The following L3MBTL2 variants were observed in gnomAD, a reference collection of about 807,000 sequenced individuals.
L3MBTL2 encodes L3MBTL histone methyl-lysine binding protein 2, also known as lethal(3)malignant brain tumor-like protein 2.
Under a neutral mutation model 86.4 loss-of-function variants are expected in L3MBTL2, and 49 were observed. The observed-to-expected ratio is 0.57, with a 90% CI of 0.45 to 0.72. The LOEUF is 0.72. Ranked by LOEUF, L3MBTL2 falls within the 30% of genes least tolerant of loss-of-function variation. The pLI, the probability that L3MBTL2 is intolerant of heterozygous loss-of-function variation, is 0.00. For synonymous variants in L3MBTL2, 336 were observed against 350.6 expected (o/e 0.96, Z 0.47); for missense variants, 755 against 923.7 (o/e 0.82, Z 2.37).
At chr22:41,226,955 T>A in intron 13 of L3MBTL2, 134 bp from the exon 14 acceptor site, 1 of 809,080 alleles carries the variant, frequency 1.2e-6, no homozygotes, top group Non-Finnish European at 2.0e-6. Flanking sequence ...GGTTATTGTC[T>A]AGAGGAAGCT....
Position 41,224,790 on chromosome 22 carries a change from C to T in L3MBTL2, c.1240C>T (p.Leu414Phe). 1 of 1,613,620 alleles carries T rather than the reference C, an allele frequency of 6.2e-7. No homozygotes were observed. The highest frequency in any genetic ancestry group is 8.5e-7 in the Non-Finnish European group (1 of 1,179,538). The change falls in exon 10 of 17, where the codon CTC (leucine) becomes TTC (phenylalanine). Residue 414 changes from leucine to phenylalanine, a missense_variant. Around this residue, in one of 3 missense-constraint regions of L3MBTL2, gnomAD observed 634 missense variants for 748.9 expected, o/e 0.85. Coordinates refer to ENST00000216237, the MANE Select transcript of L3MBTL2 (RefSeq NM_031488.5). The surrounding 1 kb of genome is among the most constrained non-coding windows in gnomAD (Gnocchi z 4.9). ...GATCTACTGTGATGCCGTTCCTTAC[C>T]TCTTCAAGAAGGTGAGGTTCAGCTC... ...RKIYCDAVPY[L>F]FKKVRAVYTE...
chr22:41,205,593 C>G (rs1393209986), intron 1 of L3MBTL2, among the ~76,000 whole-genome samples: 1 of 152,128 alleles, frequency 6.6e-6, no homozygotes, highest in African/African-American at 2.4e-5. Flanking sequence ...GCGAGGAGTT[C>G]AGGGAGGAAC....
Position 41,225,668 on chromosome 22 carries a change from C to T in L3MBTL2, c.1357-126C>T. 2.1e-6 allele frequency: 2 copies of T among 956,536 alleles called. No individual in the cohort carries two copies. The highest frequency in any genetic ancestry group is 3.1e-6 in the Non-Finnish European group (2 of 655,698). 59.3% of individuals were successfully genotyped at this position (956,536 alleles called of 1,614,324 possible). A position where few individuals can be genotyped will look rare whatever the true frequency, so the allele number is the denominator to read the frequency against. ...GCCCCAGAGAGGCTCAGGTGTCCTC[C>T]AGGAGGGCCATGCCCTAGATCCGTT... is the stretch of plus-strand genomic sequence containing the variant. On this transcript the variant is annotated intron_variant, in intron 11 of 16. Coordinates refer to ENST00000216237, the MANE Select transcript of L3MBTL2 (RefSeq NM_031488.5). This position sits in a 1 kb window ranked among gnomAD's most constrained non-coding sequence, Gnocchi z 4.1.
At chr22:41,206,237 C>T (rs1312505625) in intron 1 of L3MBTL2, 1 of 152,188 alleles carries the variant, frequency 6.6e-6, no homozygotes, top group Non-Finnish European at 1.5e-5. Context: ...TCTGCTTCAC[C>T]TCGGCCTCCC....
At position 41,225,784 on chromosome 22, in the gene L3MBTL2, C is replaced by A. The variant is rs200339920; in HGVS notation, c.1357-10C>A. 3 of 1,604,098 alleles carry A rather than the reference C, an allele frequency of 1.9e-6. No homozygotes were observed. The highest frequency in any genetic ancestry group is 1.7e-6 in the Non-Finnish European group (2 of 1,172,484). ...ATATGATCTGTCTGCCTGCTCCCCC[C>A]ACCCCCCAGGTTCTCCTGGATGGAT... On this transcript the variant is annotated splice_polypyrimidine_tract_variant and intron_variant, in intron 11 of 16. Coordinates refer to ENST00000216237, the MANE Select transcript of L3MBTL2 (RefSeq NM_031488.5). The surrounding 1 kb of genome is among the most constrained non-coding windows in gnomAD (Gnocchi z 4.1).
chr22:41,223,922 A>G (rs1263968544), intron 8 of L3MBTL2, 98 bp from the exon 9 acceptor site: 4 of 936,636 alleles, frequency 4.3e-6, no homozygotes, highest in African/African-American at 1.6e-5. Flanking sequence ...AGTGTGGGGG[A>G]TAACACCACA....
intron 16 of L3MBTL2, 63 bp from the exon 17 acceptor site, chr22:41,230,076 T>TCC: frequency 1.1e-6 from 1 of 912,382 alleles, no homozygotes; most frequent in Non-Finnish European, 1.7e-6. Context: ...TCCCAGCTCC[T>TCC]CCGCCCCCAC....
At chr22:41,206,066 A>C (rs1390487362) in intron 1 of L3MBTL2, 1 of 151,460 alleles carries the variant, frequency 6.6e-6, no homozygotes, top group African/African-American at 2.4e-5. Context: ...GCTCACTGCA[A>C]CCTCCGTCTC....
chr22:41,210,060 G>A, intron 2 of L3MBTL2, 127 bp downstream of exon 2: 2 of 1,308,828 alleles, frequency 1.5e-6, no homozygotes, highest in Non-Finnish European at 2.1e-6. Context: ...ATTTCTAAGG[G>A]ATCAGATGTG....
chr22:41,207,236 C>CTTTTT (rs753351369), intron 1 of L3MBTL2, among the ~76,000 whole-genome samples: 12 of 120,504 alleles, frequency 1.0e-4, no homozygotes, highest in Non-Finnish European at 1.5e-4. Context: ...CCCCCAAATC[C>CTTTTT]TTTTTTTTTT....
intron 8 of L3MBTL2, among the ~76,000 whole-genome samples, chr22:41,221,705 C>G (rs2031833482): frequency 6.6e-6 from 1 of 151,892 alleles, no homozygotes; most frequent in Non-Finnish European, 1.5e-5. Flanking sequence ...CTCCTGGGTT[C>G]ACGCCATTCT....
At position 41,230,488 on chromosome 22, in the gene L3MBTL2, C is replaced by A; in HGVS notation, c.*237C>A. Reference sequence around the variant, plus strand: ...ACGGGCCGCCTGAGGCCCCAGAACTCGTCTGTGAACCACCTTTTCCAGCCA... The same window carrying A: ...ACGGGCCGCCTGAGGCCCCAGAACTAGTCTGTGAACCACCTTTTCCAGCCA... On this transcript the variant is annotated 3_prime_UTR_variant, in exon 17 of 17. Transcript: ENST00000216237. 2.0e-6 allele frequency: 1 copy of A among 500,794 alleles called. No homozygotes were observed. The highest frequency in any genetic ancestry group is 3.5e-6 in the Non-Finnish European group (1 of 281,952). The allele number at this position is 500,794 out of a possible 1,614,324, so 31.0% of individuals were successfully genotyped here.
At chr22:41,221,701 G>A (rs1215290402) in intron 8 of L3MBTL2, among the ~76,000 whole-genome samples, 1 of 151,976 alleles carries the variant, frequency 6.6e-6, no homozygotes, top group East Asian at 1.9e-4. Context: ...CTGACTCCTG[G>A]GTTCACGCCA....
chr22:41,210,110 AC>A (rs1163472195), intron 2 of L3MBTL2, 177 bp downstream of exon 2: 1 of 596,608 alleles, frequency 1.7e-6, no homozygotes, highest in Admixed American at 3.5e-5. Context: ...CCAAGTAGCC[AC>A]TGTGTTAACT....
intron 2 of L3MBTL2, among the ~76,000 whole-genome samples, chr22:41,210,185 T>C (rs917290115): frequency 1.5e-4 from 22 of 143,656 alleles, no homozygotes; most frequent in African/African-American, 5.9e-4. Context: ...AGTGTCGCCC[T>C]GTTGCTCAGG....
At chr22:41,228,047 T>A in intron 15 of L3MBTL2, 178 bp downstream of exon 15, 1 of 985,414 alleles carries the variant, frequency 1.0e-6, no homozygotes, top group Non-Finnish European at 1.2e-6. Context: ...CTACGGGCCT[T>A]TCACCCTGTC....
chr22:41,227,376 T>C lies in L3MBTL2; in HGVS notation c.1822+53T>C. 2 of 1,494,758 alleles carry C rather than the reference T, an allele frequency of 1.3e-6. No homozygotes were observed. Among genetic ancestry groups the C allele is most frequent in the South Asian group, 2.4e-5 (2 of 83,086 alleles). The allele number at this position is 1,494,758 out of a possible 1,614,324, so 92.6% of individuals were successfully genotyped here. A position where few individuals can be genotyped will look rare whatever the true frequency, so the allele number is the denominator to read the frequency against. ...TCTGACTTTCTTTCCTCTTCTTTTT[T>C]CCTTCTTCCCCCGCCCCTGTGCCCA... On this transcript the variant is annotated intron_variant, in intron 14 of 16. Transcript: ENST00000216237. The surrounding 1 kb of genome is among the most constrained non-coding windows in gnomAD (Gnocchi z 6.0).
At chr22:41,209,563 T>C (rs758431377) in intron 1 of L3MBTL2, 133 bp from the exon 2 acceptor site, 20 of 703,918 alleles carry the variant, frequency 2.8e-5, no homozygotes, top group Non-Finnish European at 4.5e-5. Context: ...GTAATGATCT[T>C]GGTGTTTGTA....
In L3MBTL2 at chr22:41,224,839, T is replaced by C. The variant is rs377508123; in HGVS notation, c.1251+38T>C. 15 of 1,586,302 alleles carry C rather than the reference T, an allele frequency of 9.5e-6. No individual in the cohort carries two copies. Among genetic ancestry groups the C allele is most frequent in the East Asian group, 2.2e-5 (1 of 44,730 alleles). Reference sequence around the variant, plus strand: ...TCTTGGGCGCTTTTCCCCTCAGCCATGGGTCCATTCCGGGCCTGAGGGACC... The same window carrying C: ...TCTTGGGCGCTTTTCCCCTCAGCCACGGGTCCATTCCGGGCCTGAGGGACC... On this transcript the variant is annotated intron_variant, in intron 10 of 16. Transcript: ENST00000216237. The surrounding 1 kb of genome is among the most constrained non-coding windows in gnomAD (Gnocchi z 4.9).
Sources: gnomAD v4.1 joint callset for allele counts (sites outside exome capture counted in the v4.1 genomes callset) on GRCh38, gnomAD v4.1.1 for gene constraint, gnomAD v4.1.1 regional missense constraint, Gnocchi (gnomAD v3.1) non-coding constraint, MANE v1.5 for transcripts, NCBI Gene and HGNC (gene_info 2026-07-23, HGNC 2026-07-21) for gene names.